GPC6: variants seen among roughly 807,000 people sequenced by gnomAD.
GPC6 encodes glypican-6.
In GPC6, 14 loss-of-function variants were observed where a neutral mutation model predicts 55.2. The ratio of observed to expected loss-of-function variants is 0.25; its 90% CI spans 0.17 to 0.40. GPC6 has a LOEUF of 0.40. GPC6 is among the 10% of genes least tolerant of loss of function. The probability of loss-of-function intolerance (pLI) is 1.00; values close to 1 mark genes in which losing one functional copy is unlikely to be tolerated. For missense variants in GPC6, 641 were observed against 708.5 expected (o/e 0.90, Z 1.08); for synonymous variants, 278 against 259.6 (o/e 1.07, Z -0.68).
At chr13:93,576,967 T>C (rs1876697565) in intron 2 of GPC6, among the ~76,000 whole-genome samples, 1 of 152,160 alleles carries the variant, frequency 6.6e-6, no homozygotes, top group South Asian at 2.1e-4. Flanking sequence ...CTCCGTGTAT[T>C]TGAAATACAT....
chr13:94,084,759 G>T (rs1885222155), intron 4 of GPC6, among the ~76,000 whole-genome samples: 2 of 152,124 alleles, frequency 1.3e-5, no homozygotes, highest in Non-Finnish European at 2.9e-5. Context: ...AAGCTTATTT[G>T]GTAGCAGAAG....
At chr13:93,876,539 T>C (rs532401384) in intron 3 of GPC6, among the ~76,000 whole-genome samples, 1 of 152,150 alleles carries the variant, frequency 6.6e-6, no homozygotes, top group Non-Finnish European at 1.5e-5. Context: ...TGCCTAAAAA[T>C]GAGAGTTTCA....
chr13:93,280,519 G>A (rs1295915652), intron 1 of GPC6, among the ~76,000 whole-genome samples: 2 of 152,196 alleles, frequency 1.3e-5, no homozygotes, highest in South Asian at 2.1e-4. Context: ...TGGCACTTTT[G>A]AATACAGCTT....
intron 1 of GPC6, among the ~76,000 whole-genome samples, chr13:93,332,051 G>A (rs1283673657): frequency 6.6e-6 from 1 of 150,920 alleles, no homozygotes; most frequent in Admixed American, 6.6e-5. Context: ...TCTTTTTTAA[G>A]ACTGAATAAT....
At chr13:93,517,246 G>A (rs1229633846) in intron 1 of GPC6, among the ~76,000 whole-genome samples, 1 of 152,016 alleles carries the variant, frequency 6.6e-6, no homozygotes, top group Admixed American at 6.6e-5. Context: ...GATGTACTTA[G>A]GAAGAACAAA....
intron 1 of GPC6, among the ~76,000 whole-genome samples, chr13:93,228,518 A>G (rs1042153436): frequency 2.6e-5 from 4 of 152,004 alleles, no homozygotes; most frequent in Admixed American, 6.5e-5. Flanking sequence ...CAGTGTGTGT[A>G]GCACTTGGTC....
At chr13:93,293,502 G>T (rs1878382934) in intron 1 of GPC6, among the ~76,000 whole-genome samples, 1 of 91,784 alleles carries the variant, frequency 1.1e-5, no homozygotes, top group Admixed American at 1.2e-4. Flanking sequence ...TTAAACTTGT[G>T]ATTTGTGAAA....
At chr13:94,246,162 C>G (rs954853265) in intron 4 of GPC6, among the ~76,000 whole-genome samples, 5 of 152,042 alleles carry the variant, frequency 3.3e-5, no homozygotes, top group African/African-American at 1.2e-4. Flanking sequence ...TATGTCAAAT[C>G]TATAGAAATG....
rs1223571882 is a variant in GPC6 at position 93,832,122 on chromosome 13, A to ATATAT, written c.711+1577_711+1578insTATAT. On this transcript the variant is annotated intron_variant, in intron 3 of 8. Transcript: ENST00000377047. The stretch of plus-strand genomic sequence containing the variant: ...AAAAAAAAAAAAAAAAAAAAAAAAA[A>ATATAT]ATATATATATATATATATATATAAT... Among the ~76,000 whole-genome samples, 4 of 12,054 alleles carry ATATAT rather than the reference A, an allele frequency of 3.3e-4. No individual in the cohort carries two copies. In the Admixed American group the frequency reaches 7.8e-3, roughly 24 times the overall value. The allele number at this position is 12,054 out of a possible 152,430, so 7.9% of individuals were successfully genotyped here. A position where few individuals can be genotyped will look rare whatever the true frequency, so the allele number is the denominator to read the frequency against.
chr13:93,556,602 C>T (rs999633668), intron 2 of GPC6, among the ~76,000 whole-genome samples: 13 of 151,720 alleles, frequency 8.6e-5, no homozygotes, highest in Admixed American at 5.9e-4. Context: ...ACTATAGTCA[C>T]TCTGTTGTGC....
intron 3 of GPC6, among the ~76,000 whole-genome samples, chr13:93,979,351 T>C (rs1001027305): frequency 6.7e-6 from 1 of 149,416 alleles, no homozygotes; most frequent in African/African-American, 2.5e-5. Context: ...GTGTGTTTTT[T>C]TTAATTTTTT....
chr13:94,080,170 A>G (rs1885054455), intron 4 of GPC6, among the ~76,000 whole-genome samples: 1 of 152,134 alleles, frequency 6.6e-6, no homozygotes, highest in Non-Finnish European at 1.5e-5. Flanking sequence ...GAAGAGCCCA[A>G]TTCCCCAACC....
Position 93,901,990 on chromosome 13 carries a change from A to C in GPC6, c.711+71445A>C, listed in dbSNP as rs548698133. On this transcript the variant is annotated intron_variant, in intron 3 of 8. Transcript: ENST00000377047. ...AAGTACAGTGTGTTTTGATACATTT[A>C]TATTTTGTGTAAAAATCAAATCAGG... 7.2e-5 allele frequency among the ~76,000 whole-genome samples: 11 copies of C among 152,066 alleles called. No individual in the cohort carries two copies. In the South Asian group the frequency reaches 1.7e-3, roughly 23 times the overall value.
intron 2 of GPC6, among the ~76,000 whole-genome samples, chr13:93,554,543 C>T (rs907168697): frequency 1.3e-5 from 2 of 152,100 alleles, no homozygotes; most frequent in East Asian, 1.9e-4. Context: ...TATCCAAACC[C>T]GAACTTTGGC....
intron 4 of GPC6, among the ~76,000 whole-genome samples, chr13:94,186,683 A>G (rs1594036607): frequency 6.6e-6 from 1 of 152,222 alleles, no homozygotes; most frequent in Admixed American, 6.5e-5. Context: ...CGAGTTGGCT[A>G]TATTTATGCA....
At chr13:94,215,172 A>C (rs2138993975) in intron 4 of GPC6, among the ~76,000 whole-genome samples, 1 of 152,338 alleles carries the variant, frequency 6.6e-6, no homozygotes, top group Non-Finnish European at 1.5e-5. Context: ...ATGCAAAGTA[A>C]GCAGATTAGT....
intron 3 of GPC6, among the ~76,000 whole-genome samples, chr13:93,842,702 A>T (rs1423041818): frequency 6.6e-6 from 1 of 152,094 alleles, no homozygotes; most frequent in African/African-American, 2.4e-5. Flanking sequence ...CAAATTACTG[A>T]GGAAATTTAA....
At chr13:93,875,548 G>GATGC (rs1378056465) in intron 3 of GPC6, among the ~76,000 whole-genome samples, 1 of 152,044 alleles carries the variant, frequency 6.6e-6, no homozygotes, top group Non-Finnish European at 1.5e-5. Flanking sequence ...ACAAAGGTAA[G>GATGC]ATGCGTCAGG....
At chr13:93,344,518 C>G (rs879060641) in intron 1 of GPC6, among the ~76,000 whole-genome samples, 2 of 152,180 alleles carry the variant, frequency 1.3e-5, no homozygotes, top group South Asian at 2.1e-4. Context: ...TAGGCTACAT[C>G]GTTTCTGAGC....
Sources: allele counts gnomAD v4.1 joint callset (sites outside exome capture counted in the v4.1 genomes callset), GRCh38; gene constraint gnomAD v4.1.1; transcripts MANE v1.5; gene names NCBI Gene and HGNC (gene_info 2026-07-23, HGNC 2026-07-21).